DNM3: variants seen among roughly 807,000 people sequenced by gnomAD.
DNM3 encodes dynamin-3.
A neutral mutation model predicts 101.6 loss-of-function variants in DNM3; 47 were observed. The ratio of observed to expected loss-of-function variants is 0.46; its 90% confidence interval spans 0.37 to 0.59. The LOEUF is 0.59. Among genes scored for constraint, DNM3 ranks in the 20% least tolerant of loss-of-function variants. The probability of loss-of-function intolerance (pLI) is 0.00; values close to 1 mark genes in which losing one functional copy is unlikely to be tolerated. For missense variants in DNM3, 849 were observed against 1,085.7 expected (o/e 0.78, Z 3.06); for synonymous variants, 385 against 387.9 (o/e 0.99, Z 0.09).
intron 13 of DNM3, among the ~76,000 whole-genome samples, chr1:172,104,225 G>T (rs1410421642): frequency 6.6e-6 from 1 of 151,926 alleles, no homozygotes; most frequent in Admixed American, 6.6e-5. Flanking sequence ...TTTTTTACTG[G>T]ATATTATAAA....
intron 4 of DNM3, among the ~76,000 whole-genome samples, chr1:172,022,640 C>A (rs960026965): frequency 6.6e-6 from 1 of 152,046 alleles, no homozygotes; most frequent in Non-Finnish European, 1.5e-5. Context: ...CTTGCCCACC[C>A]CTCCTGACTC....
intron 14 of DNM3, among the ~76,000 whole-genome samples, chr1:172,206,556 G>A (rs1318343756): frequency 6.6e-6 from 1 of 151,964 alleles, no homozygotes; most frequent in Non-Finnish European, 1.5e-5. Flanking sequence ...CAAGTACCTG[G>A]CATTGAAGAA....
chr1:172,378,488 A>G (rs2068728364), intron 17 of DNM3, among the ~76,000 whole-genome samples: 1 of 146,776 alleles, frequency 6.8e-6, no homozygotes, highest in Non-Finnish European at 1.5e-5. Flanking sequence ...GGAAGAATAA[A>G]TTATCTTCTA....
intron 13 of DNM3, among the ~76,000 whole-genome samples, chr1:172,127,412 A>G (rs2056696858): frequency 6.8e-6 from 1 of 146,802 alleles, no homozygotes; most frequent in African/African-American, 2.5e-5. Flanking sequence ...TATTATTATT[A>G]TTATTATTAT....
chr1:172,260,349 G>A (rs2062591157), intron 15 of DNM3, among the ~76,000 whole-genome samples: 1 of 151,836 alleles, frequency 6.6e-6, no homozygotes, highest in African/African-American at 2.4e-5. Flanking sequence ...TGACTATATA[G>A]GAATGTCTAA....
At chr1:172,276,306 A>G (rs1458253880) in intron 15 of DNM3, among the ~76,000 whole-genome samples, 1 of 152,000 alleles carries the variant, frequency 6.6e-6, no homozygotes, top group Non-Finnish European at 1.5e-5. Context: ...GTCCTGCCTG[A>G]TGGGGGAATT....
intron 17 of DNM3, among the ~76,000 whole-genome samples, chr1:172,349,428 G>A (rs1261356275): frequency 6.6e-6 from 1 of 152,146 alleles, no homozygotes; most frequent in Admixed American, 6.6e-5. Flanking sequence ...TCCTTTGCAG[G>A]TACAGAGACA....
chr1:172,096,347 A>G (rs1012667542), intron 13 of DNM3, among the ~76,000 whole-genome samples: 16 of 152,230 alleles, frequency 1.1e-4, no homozygotes, highest in Admixed American at 7.2e-4. Flanking sequence ...TCATATTAAC[A>G]TTTGTGGAGA....
chr1:172,113,488 C>T (rs1379092964), intron 13 of DNM3, among the ~76,000 whole-genome samples: 3 of 151,926 alleles, frequency 2.0e-5, no homozygotes, highest in East Asian at 1.9e-4. Context: ...GGCCTGGTGG[C>T]GGGTGCCTGT....
At chr1:171,949,226 A>G (rs1185596535) in intron 2 of DNM3, among the ~76,000 whole-genome samples, 5 of 152,236 alleles carry the variant, frequency 3.3e-5, no homozygotes, top group Non-Finnish European at 5.9e-5. Context: ...TAAGCTCAGT[A>G]TATAAATAGA....
chr1:172,347,222 T>A (rs1400081458), intron 17 of DNM3, among the ~76,000 whole-genome samples: 1 of 151,642 alleles, frequency 6.6e-6, no homozygotes, highest in Non-Finnish European at 1.5e-5. Context: ...AATTATTTCC[T>A]CTCTGTAAAA....
At chr1:172,089,297 C>T (rs923555860) in intron 12 of DNM3, among the ~76,000 whole-genome samples, 16 of 152,228 alleles carry the variant, frequency 1.1e-4, no homozygotes, top group African/African-American at 3.1e-4. Flanking sequence ...TTATATGCTA[C>T]GGAGTTCGTG....
exon 21 of DNM3, chr1:172,418,406 A>C: frequency 2.7e-6 from 3 of 1,101,600 alleles, no homozygotes; most frequent in Non-Finnish European, 3.5e-6. Flanking sequence ...TCGTATGTAC[A>C]TAAAAACTTT....
intron 2 of DNM3, among the ~76,000 whole-genome samples, chr1:171,976,127 G>T (rs147446901): frequency 1.3e-5 from 2 of 152,322 alleles, no homozygotes; most frequent in Non-Finnish European, 2.9e-5. Context: ...ATTCAGTGGA[G>T]AAATGGTAGT....
At chr1:171,862,128 T>C (rs2034237285) in intron 1 of DNM3, among the ~76,000 whole-genome samples, 1 of 152,118 alleles carries the variant, frequency 6.6e-6, no homozygotes. Context: ...CCATTACTGG[T>C]GGGAGTGTCA....
chr1:171,914,312 C>G (rs969439085), intron 1 of DNM3, among the ~76,000 whole-genome samples: 157 of 152,232 alleles, frequency 1.0e-3, no homozygotes, highest in African/African-American at 3.7e-3. Context: ...CATGCACCAC[C>G]ACGCCTGGCT....
At chr1:171,897,291 A>T (rs1299855656) in intron 1 of DNM3, among the ~76,000 whole-genome samples, 1 of 152,164 alleles carries the variant, frequency 6.6e-6, no homozygotes, top group African/African-American at 2.4e-5. Context: ...ACACCAAACA[A>T]AGTTTTCACT....
chr1:172,131,086 T>A, intron 13 of DNM3, 89 bp from the exon 14 acceptor site: 3 of 1,061,744 alleles, frequency 2.8e-6, no homozygotes. Flanking sequence ...GCAATTAATA[T>A]CTTGTTTTTA....
At chr1:171,905,674 T>G (rs544838186) in intron 1 of DNM3, among the ~76,000 whole-genome samples, 1 of 152,172 alleles carries the variant, frequency 6.6e-6, no homozygotes, top group African/African-American at 2.4e-5. Flanking sequence ...AAGAGGACTT[T>G]TAACATAATG....
Sources: gnomAD v4.1 joint callset for allele counts (sites outside exome capture counted in the v4.1 genomes callset) on GRCh38, gnomAD v4.1.1 for gene constraint, MANE v1.5 for transcripts, NCBI Gene and HGNC (gene_info 2026-07-23, HGNC 2026-07-21) for gene names.